Variants in MLLT10 observed in about 807,000 individuals in gnomAD.
The protein encoded by MLLT10 is protein AF-10.
Under a neutral mutation model 129.1 loss-of-function variants are expected in MLLT10, and 30 were observed. The observed-to-expected ratio is 0.23, with a 90% confidence interval of 0.17 to 0.32. The LOEUF (loss-of-function observed/expected upper bound fraction) is 0.32. MLLT10 is among the 10% of genes least tolerant of loss of function. The pLI is 1.00. For synonymous variants in MLLT10, 490 were observed against 446.4 expected, an observed-to-expected ratio of 1.10 and a Z score of -1.23; for missense variants, 1,119 against 1,268.3, an observed-to-expected ratio of 0.88 and a Z score of 1.79.
At chr10:21,581,108 C>G (rs545963095) in intron 3 of MLLT10, among the ~76,000 whole-genome samples, 1 of 148,834 alleles carries the variant, frequency 6.7e-6, no homozygotes, top group South Asian at 2.1e-4. Flanking sequence ...TGCAGTGGCA[C>G]GATCTCGGCT....
intron 9 of MLLT10, among the ~76,000 whole-genome samples, chr10:21,663,521 C>T (rs2050429847): frequency 6.6e-6 from 1 of 151,790 alleles, no homozygotes; most frequent in Non-Finnish European, 1.5e-5. Context: ...GGATTACAGG[C>T]ATGTGCCACC....
At chr10:21,693,847 G>C (rs2054112585) in intron 13 of MLLT10, among the ~76,000 whole-genome samples, 1 of 151,894 alleles carries the variant, frequency 6.6e-6, no homozygotes, top group South Asian at 2.1e-4. Flanking sequence ...TTAGATGTTT[G>C]TTTTTGTTCA....
chr10:21,686,684 A>G (rs988183360), intron 13 of MLLT10, among the ~76,000 whole-genome samples: 4 of 152,130 alleles, frequency 2.6e-5, no homozygotes, highest in African/African-American at 9.7e-5. Context: ...GACTGTAAAT[A>G]TATAATATTT....
chr10:21,698,592 T>C (rs1329492325), intron 13 of MLLT10, among the ~76,000 whole-genome samples: 65 of 152,326 alleles, frequency 4.3e-4, no homozygotes, highest in Admixed American at 4.2e-3. Context: ...ATACCTGATA[T>C]TGGGATTGCT....
At chr10:21,594,406 G>C (rs1051014360) in intron 4 of MLLT10, among the ~76,000 whole-genome samples, 1 of 151,718 alleles carries the variant, frequency 6.6e-6, no homozygotes, top group Non-Finnish European at 1.5e-5. Context: ...AAAATTAGCC[G>C]GGTGTGGTGG....
In MLLT10 at chr10:21,628,568, A is replaced by T. The variant is rs1171104355; in HGVS notation, c.699+11361A>T. On this transcript the variant is annotated intron_variant, in intron 8 of 22. Coordinates refer to ENST00000307729, the MANE Select transcript of MLLT10 (RefSeq NM_001195626.3). Reference sequence around the variant, plus strand: ...GCAGTTCTCCCGCCTCAGCCTCCCGAGTAGCTGGGATTACGGGCTTTTGCC... The same window carrying T: ...GCAGTTCTCCCGCCTCAGCCTCCCGTGTAGCTGGGATTACGGGCTTTTGCC... Among the ~76,000 whole-genome samples, 3 of 150,464 alleles carry T rather than the reference A, an allele frequency of 2.0e-5. No individual in the cohort carries two copies. In the East Asian group the frequency reaches 5.9e-4, roughly 30 times the overall value.
intron 9 of MLLT10, among the ~76,000 whole-genome samples, chr10:21,656,681 T>A (rs2049619455): frequency 6.6e-6 from 1 of 152,250 alleles, no homozygotes; most frequent in Non-Finnish European, 1.5e-5. Flanking sequence ...ATTATGTTAT[T>A]AATGTGGTAT....
intron 9 of MLLT10, among the ~76,000 whole-genome samples, chr10:21,664,857 A>G (rs2050589640): frequency 1.3e-5 from 2 of 150,518 alleles, no homozygotes; most frequent in South Asian, 2.1e-4. Flanking sequence ...TTAGCTTTCT[A>G]TTGATTAGCT....
At chr10:21,564,707 C>G (rs2039320426) in intron 3 of MLLT10, 1 of 151,564 alleles carries the variant, frequency 6.6e-6, no homozygotes, top group African/African-American at 2.4e-5. Context: ...GCCTGTAATC[C>G]CAACTACTTG....
Position 21,663,199 on chromosome 10 carries a change from C to G in MLLT10, c.796-7250C>G, listed in dbSNP as rs142154493. On this transcript the variant is annotated intron_variant, in intron 9 of 22. Coordinates refer to ENST00000307729, the MANE Select transcript of MLLT10 (RefSeq NM_001195626.3). ...GTAAAATTCACAAAAGTGTGAGGGT[C>G]CCCCAAGACCAGGTCCCCCTGGAGG... 6.6e-3 allele frequency among the ~76,000 whole-genome samples: 999 copies of G among 152,180 alleles called. 18 individuals are homozygous for G. Among genetic ancestry groups the G allele is most frequent in the African/African-American group, 0.023 (939 of 41,524 alleles).
intron 2 of MLLT10, 96 bp from the exon 3 acceptor site, chr10:21,538,737 A>G (rs2130892067): frequency 1.2e-6 from 1 of 809,368 alleles, no homozygotes; most frequent in Non-Finnish European, 2.0e-6. Context: ...GTTTACTTGA[A>G]TAGTGACAGG....
Position 21,704,351 on chromosome 10 carries a change from CTCTCTCTATATA to C in MLLT10, c.1700-9419_1700-9408del, listed in dbSNP as rs1335783785. 4.2e-4 allele frequency among the ~76,000 whole-genome samples: 26 copies of C among 62,232 alleles called. No homozygotes were observed. The East Asian group carries it at 9.1e-3, about 22-fold the overall frequency. 40.8% of individuals were successfully genotyped at this position (62,232 alleles called of 152,430 possible). On this transcript the variant is annotated intron_variant, in intron 13 of 22. Coordinates refer to ENST00000307729, the MANE Select transcript of MLLT10 (RefSeq NM_001195626.3). ...AAATTCTCTCTCTCTCTCTCTCTCT[CTCTCTCTATATA>C]TATATATATATATATATATAATTAT...
chr10:21,716,162 T>C (rs2056538603), intron 14 of MLLT10, among the ~76,000 whole-genome samples: 1 of 152,230 alleles, frequency 6.6e-6, no homozygotes, highest in African/African-American at 2.4e-5. Flanking sequence ...CAGAAATATT[T>C]AGATAGAATT....
At chr10:21,611,877 G>A (rs972634751) in intron 5 of MLLT10, among the ~76,000 whole-genome samples, 1 of 152,144 alleles carries the variant, frequency 6.6e-6, no homozygotes, top group Non-Finnish European at 1.5e-5. Flanking sequence ...TGACCTAAAC[G>A]TTGCTAATTC....
chr10:21,631,313 C>CAAAAAAAAAAAA (rs991306894), intron 8 of MLLT10, among the ~76,000 whole-genome samples: 2 of 47,770 alleles, frequency 4.2e-5, no homozygotes, highest in African/African-American at 6.8e-5. Flanking sequence ...GACTCCGTCT[C>CAAAAAAAAAAAA]AAAAAAAAAA....
intron 13 of MLLT10, among the ~76,000 whole-genome samples, chr10:21,685,632 G>A (rs1012297314): frequency 1.3e-5 from 2 of 152,094 alleles, no homozygotes; most frequent in African/African-American, 2.4e-5. Flanking sequence ...GTGAGCCACC[G>A]TGCCCAGCCT....
At chr10:21,735,878 A>C (rs1314962529) in intron 21 of MLLT10, among the ~76,000 whole-genome samples, 2 of 152,100 alleles carry the variant, frequency 1.3e-5, no homozygotes, top group African/African-American at 4.8e-5. Context: ...GTGGCAAGAA[A>C]TTTGGATTTT....
intron 4 of MLLT10, among the ~76,000 whole-genome samples, chr10:21,589,584 T>G (rs2042305120): frequency 6.6e-6 from 1 of 152,186 alleles, no homozygotes; most frequent in Non-Finnish European, 1.5e-5. Flanking sequence ...CATTACTATG[T>G]GCTTTTTTCC....
chr10:21,572,368 T>C (rs1176993482), intron 3 of MLLT10, among the ~76,000 whole-genome samples: 1 of 152,212 alleles, frequency 6.6e-6, no homozygotes, highest in Non-Finnish European at 1.5e-5. Context: ...ATATTCTCCG[T>C]CCTTCACATT....
Sources: allele counts gnomAD v4.1 joint callset (sites outside exome capture counted in the v4.1 genomes callset), GRCh38; gene constraint gnomAD v4.1.1; transcripts MANE v1.5; gene names NCBI Gene and HGNC (gene_info 2026-07-23, HGNC 2026-07-21).